Variants in BIN2 observed in about 807,000 individuals in gnomAD.
The protein encoded by BIN2 is breast cancer associated protein BRAP1.
In BIN2, 43 loss-of-function variants were observed where a neutral mutation model predicts 67.9. The ratio of observed to expected loss-of-function variants is 0.63; its 90% confidence interval spans 0.50 to 0.82. The LOEUF (loss-of-function observed/expected upper bound fraction) is 0.82, where lower values mean the gene tolerates loss of function less well. BIN2 is among the 40% of genes least tolerant of loss of function. The probability of loss-of-function intolerance (pLI) is 0.00; values close to 1 mark genes in which losing one functional copy is unlikely to be tolerated. For missense variants in BIN2, 581 were observed against 671.6 expected (o/e 0.87, Z 1.49); for synonymous variants, 244 against 246.8 (o/e 0.99, Z 0.11).
rs1163870830 is a variant in BIN2 at position 51,295,577 on chromosome 12, AATATATATATATATATAT to A, written c.761+201_761+218del. Among the ~76,000 whole-genome samples the A allele has an allele frequency of 6.8e-4, 20 of 29,544 alleles. 1 individual carries two copies. Among genetic ancestry groups the A allele is most frequent in the South Asian group, 2.4e-3 (2 of 846 alleles). The allele number at this position is 29,544 out of a possible 152,430, so 19.4% of individuals were successfully genotyped here. A position where few individuals can be genotyped will look rare whatever the true frequency, so the allele number is the denominator to read the frequency against. ...GACTCCGTCTCAAAAAAAAAAAAAAAATATATATATATATATATATATATATATATATATATATATATA... is the reference window on the plus strand; with the variant it reads ...GACTCCGTCTCAAAAAAAAAAAAAAAATATATATATATATATATATATATA... On this transcript the variant is annotated intron_variant, in intron 9 of 12. Coordinates refer to ENST00000615107, the MANE Select transcript of BIN2 (RefSeq NM_016293.4).
intron 10 of BIN2, among the ~76,000 whole-genome samples, chr12:51,289,786 GC>G (rs1052503186): frequency 6.6e-6 from 1 of 150,710 alleles, no homozygotes; most frequent in African/African-American, 2.4e-5. Flanking sequence ...GCTCACTGCA[GC>G]CTCGACCTCA....
At chr12:51,306,204 C>T (rs969423168) in intron 2 of BIN2, among the ~76,000 whole-genome samples, 6 of 152,018 alleles carry the variant, frequency 3.9e-5, no homozygotes, top group South Asian at 2.1e-4. Flanking sequence ...TCTCAAGGGG[C>T]TGAATGTCAG....
At chr12:51,313,722 T>G in intron 2 of BIN2, 101 bp downstream of exon 2, 15 of 1,070,916 alleles carry the variant, frequency 1.4e-5, no homozygotes, top group Non-Finnish European at 2.0e-5. Context: ...GGTGGCTTGG[T>G]GGAGATGTTT....
intron 2 of BIN2, among the ~76,000 whole-genome samples, chr12:51,308,177 C>T (rs923072734): frequency 6.6e-6 from 1 of 152,122 alleles, no homozygotes; most frequent in Non-Finnish European, 1.5e-5. Flanking sequence ...AGATGTGACT[C>T]TCATAGTCTT....
chr12:51,309,680 GC>G (rs1945949692), intron 2 of BIN2, among the ~76,000 whole-genome samples: 1 of 152,072 alleles, frequency 6.6e-6, no homozygotes, highest in African/African-American at 2.4e-5. Context: ...CCAGCTAGAA[GC>G]TTTTCCTTAT....
At chr12:51,297,029 C>A (rs1239404839) in intron 8 of BIN2, 60 bp downstream of exon 8, 4 of 1,456,240 alleles carry the variant, frequency 2.7e-6, no homozygotes, top group Non-Finnish European at 3.8e-6. Flanking sequence ...TAAGTCAAGG[C>A]TACCTTCATA....
intron 2 of BIN2, among the ~76,000 whole-genome samples, chr12:51,313,220 A>AAGGAAGGAAGGCAGGC (rs1319737260): frequency 4.8e-4 from 67 of 138,220 alleles, no homozygotes; most frequent in African/African-American, 1.7e-3. Flanking sequence ...GGAAGGAAGG[A>AAGGAAGGAAGGCAGGC]AGGCAGGAAG....
intron 10 of BIN2, among the ~76,000 whole-genome samples, chr12:51,289,356 T>C (rs1407049413): frequency 1.3e-5 from 2 of 152,030 alleles, no homozygotes; most frequent in Non-Finnish European, 2.9e-5. Flanking sequence ...GGCTCACACC[T>C]GTAAGCCCAG....
intron 1 of BIN2, among the ~76,000 whole-genome samples, chr12:51,316,396 T>G (rs189057037): frequency 2.6e-5 from 4 of 151,574 alleles, no homozygotes; most frequent in African/African-American, 9.7e-5. Context: ...CTTGGGAGGC[T>G]GAGGCATGAG....
intron 8 of BIN2, 111 bp from the exon 9 acceptor site, chr12:51,295,989 A>T: frequency 1.3e-6 from 1 of 796,600 alleles, no homozygotes; most frequent in Non-Finnish European, 2.1e-6. Context: ...TCCCCCTTTC[A>T]ATTCTGATGT....
intron 2 of BIN2, among the ~76,000 whole-genome samples, chr12:51,309,986 C>T (rs1945956531): frequency 6.6e-6 from 1 of 152,156 alleles, no homozygotes; most frequent in African/African-American, 2.4e-5. Context: ...AGAAGAGGCC[C>T]AGAGAGGCCT....
At position 51,302,030 on chromosome 12, in the gene BIN2, C is replaced by T. The variant is rs1945735606; in HGVS notation, c.398G>A (p.Ser133Asn). ...CTGTACATTGAGTACCTTAATTTCA[C>T]TGAACTGGGCAACATAGATTTCCAT... Reference protein sequence around the residue: ...RTMEIYVAQFSEIKERIAKRG... With the variant: ...RTMEIYVAQFNEIKERIAKRG... The change falls in exon 5 of 13, where the codon AGT becomes AAT. Residue 133 changes from serine to asparagine, a missense_variant. By Grantham distance (46) the Ser-to-Asn change is conservative. Transcript: ENST00000615107. The T allele has an allele frequency of 1.2e-6, 2 of 1,612,310 alleles. No homozygotes were observed. The highest frequency in any genetic ancestry group is 1.1e-5 in the South Asian group (1 of 91,032).
chr12:51,309,529 T>G (rs147596432), intron 2 of BIN2, among the ~76,000 whole-genome samples: 2 of 151,930 alleles, frequency 1.3e-5, no homozygotes, highest in Non-Finnish European at 2.9e-5. Flanking sequence ...GGTGTATCAT[T>G]CTCTCAGTCA....
chr12:51,316,867 T>C (rs2137439950), intron 1 of BIN2, among the ~76,000 whole-genome samples: 1 of 152,242 alleles, frequency 6.6e-6, no homozygotes, highest in South Asian at 2.1e-4. Flanking sequence ...TTATTACTAC[T>C]ACTACTATTA....
intron 1 of BIN2, among the ~76,000 whole-genome samples, chr12:51,314,875 C>T (rs1021387413): frequency 2.6e-5 from 4 of 152,028 alleles, no homozygotes; most frequent in African/African-American, 9.7e-5. Context: ...TTATTTGAGA[C>T]AGGGTCTTGC....
At chr12:51,321,135 TGA>T (rs58912028) in intron 1 of BIN2, among the ~76,000 whole-genome samples, 2 of 151,640 alleles carry the variant, frequency 1.3e-5, no homozygotes, top group South Asian at 2.1e-4. Context: ...GCTCTGTTCC[TGA>T]GAGAGGATCA....
chr12:51,314,982 T>C (rs1946084775), intron 1 of BIN2, among the ~76,000 whole-genome samples: 1 of 151,912 alleles, frequency 6.6e-6, no homozygotes, highest in East Asian at 1.9e-4. Context: ...GCCTCCCCAG[T>C]AGCTGGGACC....
chr12:51,307,093 G>C (rs1945883419), intron 2 of BIN2, among the ~76,000 whole-genome samples: 1 of 151,878 alleles, frequency 6.6e-6, no homozygotes. Flanking sequence ...GACCAGACTG[G>C]CCAACATGGT....
intron 11 of BIN2, among the ~76,000 whole-genome samples, chr12:51,285,470 T>TAAAA (rs1311782102): frequency 6.6e-6 from 1 of 151,714 alleles, no homozygotes; most frequent in Non-Finnish European, 1.5e-5. Flanking sequence ...ATATAAATTT[T>TAAAA]AAAAAAAAGA....
Sources: gnomAD v4.1 joint callset for allele counts (sites outside exome capture counted in the v4.1 genomes callset) on GRCh38, gnomAD v4.1.1 for gene constraint, MANE v1.5 for transcripts, NCBI Gene and HGNC (gene_info 2026-07-23, HGNC 2026-07-21) for gene names.